The following VWA8 variants were observed in gnomAD, a reference collection of about 807,000 sequenced individuals.
VWA8 encodes von Willebrand factor A domain containing 8, also known as von Willebrand factor A domain-containing protein 8.
In VWA8, 221 loss-of-function variants were observed where a neutral mutation model predicts 241.5. The observed-to-expected ratio is 0.91, with a 90% CI of 0.82 to 1.02. The LOEUF (loss-of-function observed/expected upper bound fraction) is 1.02. Among genes scored for constraint, VWA8 ranks in the 50% least tolerant of loss-of-function variants. VWA8 has a pLI of 0.00. For missense variants in VWA8, 2,322 were observed against 2,328.7 expected (o/e 1.00, Z 0.06); for synonymous variants, 852 against 827.1 (o/e 1.03, Z -0.52).
chr13:41,632,964 C>G (rs1245896773), intron 37 of VWA8, among the ~76,000 whole-genome samples: 1 of 152,118 alleles, frequency 6.6e-6, no homozygotes, highest in African/African-American at 2.4e-5. Context: ...GAGCGGGTAA[C>G]ACATCACTCC....
intron 12 of VWA8, among the ~76,000 whole-genome samples, chr13:41,835,640 G>C (rs1469111720): frequency 6.6e-6 from 1 of 151,636 alleles, no homozygotes; most frequent in Non-Finnish European, 1.5e-5. Flanking sequence ...TCTAGAACAG[G>C]ACAAAATCAA....
chr13:41,848,988 A>G (rs2138026638), intron 12 of VWA8, among the ~76,000 whole-genome samples: 1 of 152,352 alleles, frequency 6.6e-6, no homozygotes, highest in South Asian at 2.1e-4. Flanking sequence ...CTACCAACTC[A>G]AATCCCAAGA....
At chr13:41,881,456 G>A (rs1410313778) in intron 9 of VWA8, among the ~76,000 whole-genome samples, 1 of 128,100 alleles carries the variant, frequency 7.8e-6, no homozygotes, top group African/African-American at 2.9e-5. Context: ...AGTCTCCCAT[G>A]TCTACCTCTT....
At chr13:41,886,927 A>C (rs1874571392) in intron 6 of VWA8, 97 bp from the exon 7 acceptor site, 1 of 999,982 alleles carries the variant, frequency 1.0e-6, no homozygotes, top group Admixed American at 2.8e-5. Flanking sequence ...TTAATTAAGC[A>C]GACACTAAAT....
In VWA8 at chr13:41,596,832, CAT is replaced by C. The variant is rs1555306591; in HGVS notation, c.4987-6069_4987-6068del. Among the ~76,000 whole-genome samples the C allele has an allele frequency of 7.0e-5, 10 of 143,256 alleles. No homozygotes were observed. In the East Asian group the frequency reaches 1.4e-3, roughly 20 times the overall value. The allele number at this position is 143,256 out of a possible 152,430, so 94.0% of individuals were successfully genotyped here. ...ACACACACACACACACACACACACA[CAT>C]CTGTAGCACTAAAGACAGAATAAAT... is the stretch of plus-strand genomic sequence containing the variant. On this transcript the variant is annotated intron_variant, in intron 40 of 44. Coordinates refer to ENST00000379310, the MANE Select transcript of VWA8 (RefSeq NM_015058.2).
At chr13:41,731,529 T>C (rs76234472) in intron 22 of VWA8, among the ~76,000 whole-genome samples, 2 of 152,174 alleles carry the variant, frequency 1.3e-5, no homozygotes, top group East Asian at 3.9e-4. Context: ...AAGAACAAAA[T>C]AGGAAAACAT....
At chr13:41,805,864 A>C (rs1870171175) in intron 17 of VWA8, among the ~76,000 whole-genome samples, 1 of 152,128 alleles carries the variant, frequency 6.6e-6, no homozygotes, top group Non-Finnish European at 1.5e-5. Flanking sequence ...TCTGCACTAC[A>C]GACCAAACTG....
chr13:41,940,006 T>C lies in VWA8; in HGVS notation c.241+9930A>G, dbSNP rs115752512. 1.7e-3 allele frequency among the ~76,000 whole-genome samples: 259 copies of C among 152,332 alleles called. 2 individuals carry two copies. Among genetic ancestry groups the C allele is most frequent in the African/African-American group, 5.7e-3 (238 of 41,570 alleles). On this transcript the variant is annotated intron_variant, in intron 2 of 44. Transcript: ENST00000379310. ...CCAAAAGAATTTTCTAACACACTGT[T>C]CTTCTCATTCCAGGACTTATTCTCA...
chr13:41,867,202 T>C (rs1375836308), intron 10 of VWA8, among the ~76,000 whole-genome samples: 1 of 152,234 alleles, frequency 6.6e-6, no homozygotes, highest in Non-Finnish European at 1.5e-5. Flanking sequence ...AAAAATGTTC[T>C]ATCCACTCCT....
At chr13:41,764,014 G>C (rs766351247) in intron 20 of VWA8, among the ~76,000 whole-genome samples, 7 of 152,118 alleles carry the variant, frequency 4.6e-5, no homozygotes, top group Non-Finnish European at 8.8e-5. Flanking sequence ...AGTCATCACA[G>C]ACAGCTCACA....
chr13:41,701,100 AT>A (rs907339679), intron 28 of VWA8, among the ~76,000 whole-genome samples: 1 of 152,062 alleles, frequency 6.6e-6, no homozygotes, highest in African/African-American at 2.4e-5. Flanking sequence ...TCTCCTTTTT[AT>A]TTTTCCCTTC....
chr13:41,727,153 A>G (rs1454301270), intron 24 of VWA8, 41 bp downstream of exon 24: 1 of 1,435,378 alleles, frequency 7.0e-7, no homozygotes, highest in Non-Finnish European at 9.5e-7. Context: ...TAATATTATT[A>G]TTACTGCTAT....
At chr13:41,922,191 C>T (rs1876574070) in intron 2 of VWA8, among the ~76,000 whole-genome samples, 1 of 152,140 alleles carries the variant, frequency 6.6e-6, no homozygotes, top group Admixed American at 6.5e-5. Flanking sequence ...GGAAACGATT[C>T]CCTATTTAAT....
intron 1 of VWA8, among the ~76,000 whole-genome samples, chr13:41,958,130 A>G (rs1381588536): frequency 6.6e-6 from 1 of 152,242 alleles, no homozygotes; most frequent in Non-Finnish European, 1.5e-5. Flanking sequence ...CTGACAGCAC[A>G]GGATAAAAAG....
intron 26 of VWA8, among the ~76,000 whole-genome samples, chr13:41,713,590 T>A (rs1337252529): frequency 6.6e-6 from 1 of 152,198 alleles, no homozygotes; most frequent in Admixed American, 6.5e-5. Flanking sequence ...CCTTTCCAGC[T>A]ACAGGACACT....
chr13:41,723,330 C>A (rs146212700), intron 24 of VWA8, among the ~76,000 whole-genome samples: 1 of 152,310 alleles, frequency 6.6e-6, no homozygotes, highest in East Asian at 1.9e-4. Flanking sequence ...ACTTTGACTA[C>A]TGCTTTTGCT....
intron 1 of VWA8, among the ~76,000 whole-genome samples, chr13:41,952,279 C>T (rs978452603): frequency 6.6e-6 from 1 of 152,104 alleles, no homozygotes; most frequent in African/African-American, 2.4e-5. Flanking sequence ...CTAACACCCT[C>T]AAAAAACAGG....
At chr13:41,712,946 G>C (rs1025149214) in intron 26 of VWA8, among the ~76,000 whole-genome samples, 1 of 152,194 alleles carries the variant, frequency 6.6e-6, no homozygotes, top group Non-Finnish European at 1.5e-5. Flanking sequence ...CTTTAAAAAT[G>C]TGTTGTCTAC....
Position 41,567,054 on chromosome 13 carries a change from T to C in VWA8, c.*1143A>G, listed in dbSNP as rs1469788581. ...TTTCAACTCACTGGTGCCCTAACGTTTCTGATTTTGCTATCAATCGTGAAG... is the reference window on the plus strand; with the variant it reads ...TTTCAACTCACTGGTGCCCTAACGTCTCTGATTTTGCTATCAATCGTGAAG... On this transcript the variant is annotated 3_prime_UTR_variant, in exon 45 of 45. Transcript: ENST00000379310. 2.0e-5 allele frequency: 3 copies of C among 152,208 alleles called. No homozygotes were observed. The highest frequency in any genetic ancestry group is 4.4e-5 in the Non-Finnish European group (3 of 68,038). 9.4% of individuals were successfully genotyped at this position (152,208 alleles called of 1,614,324 possible). A position where few individuals can be genotyped will look rare whatever the true frequency, so the allele number is the denominator to read the frequency against.
Sources: allele counts gnomAD v4.1 joint callset (sites outside exome capture counted in the v4.1 genomes callset), GRCh38; gene constraint gnomAD v4.1.1; transcripts MANE v1.5; gene names NCBI Gene and HGNC (gene_info 2026-07-23, HGNC 2026-07-21).